Variants in PTPRO observed in about 807,000 individuals in gnomAD.
PTPRO encodes protein tyrosine phosphatase receptor type O.
In PTPRO, 62 loss-of-function variants were observed where a neutral mutation model predicts 145.2. The observed-to-expected ratio is 0.43, with a 90% CI of 0.35 to 0.53. The LOEUF (loss-of-function observed/expected upper bound fraction) is 0.53, where lower values mean the gene tolerates loss of function less well. PTPRO is among the 20% of genes least tolerant of loss of function. The pLI is 0.01. For missense variants in PTPRO, 1,345 were observed against 1,482.7 expected (o/e 0.91, Z 1.53); for synonymous variants, 565 against 514.7 (o/e 1.10, Z -1.32).
intron 12 of PTPRO, among the ~76,000 whole-genome samples, chr12:15,538,084 T>C (rs1177429910): frequency 6.6e-6 from 1 of 152,138 alleles, no homozygotes; most frequent in Non-Finnish European, 1.5e-5. Flanking sequence ...CTGATTTAGG[T>C]TCTCAGTGAC....
chr12:15,489,919 C>T lies in PTPRO; in HGVS notation c.349+5672C>T, dbSNP rs185361347. Reference sequence around the variant, plus strand: ...AAAGTGTTACAGAGTCAAATGGAATCGTATATGCAAATAATGGAGGCATAC... The same window carrying T: ...AAAGTGTTACAGAGTCAAATGGAATTGTATATGCAAATAATGGAGGCATAC... On this transcript the variant is annotated intron_variant, in intron 2 of 26. Coordinates refer to ENST00000281171, the MANE Select transcript of PTPRO (RefSeq NM_030667.3). Among the ~76,000 whole-genome samples, 75 of 152,160 alleles carry T rather than the reference C, an allele frequency of 4.9e-4. 1 individual carries two copies. Among genetic ancestry groups the T allele is most frequent in the African/African-American group, 1.7e-3 (71 of 41,504 alleles).
chr12:15,465,113 A>G (rs1427372624), intron 1 of PTPRO, among the ~76,000 whole-genome samples: 1 of 152,244 alleles, frequency 6.6e-6, no homozygotes, highest in Non-Finnish European at 1.5e-5. Context: ...ATCCTTCCAA[A>G]GAATGGAATC....
chr12:15,545,877 TG>T (rs1943275066), intron 12 of PTPRO, among the ~76,000 whole-genome samples: 2 of 151,774 alleles, frequency 1.3e-5, no homozygotes, highest in Non-Finnish European at 1.5e-5. Context: ...CTGCAAAAAA[TG>T]CAAAAATAAG....
intron 19 of PTPRO, among the ~76,000 whole-genome samples, chr12:15,573,204 G>T (rs1944099256): frequency 6.6e-6 from 1 of 152,144 alleles, no homozygotes. Context: ...CCAAGGAAAA[G>T]TTGAGTTTGC....
chr12:15,456,580 A>T (rs1941183626), intron 1 of PTPRO, among the ~76,000 whole-genome samples: 1 of 152,182 alleles, frequency 6.6e-6, no homozygotes, highest in Admixed American at 6.5e-5. Flanking sequence ...AATGTTTGGT[A>T]GGAGTCACCA....
chr12:15,450,868 A>T (rs998859135), intron 1 of PTPRO, among the ~76,000 whole-genome samples: 46 of 152,108 alleles, frequency 3.0e-4, no homozygotes, highest in African/African-American at 1.1e-3. Flanking sequence ...CTCAAAATAC[A>T]TCAAAACAGA....
At chr12:15,552,636 C>A (rs751354761) in intron 15 of PTPRO, among the ~76,000 whole-genome samples, 3 of 152,032 alleles carry the variant, frequency 2.0e-5, no homozygotes, top group Admixed American at 6.5e-5. Context: ...GGATTAAAAA[C>A]AGGATGCCAT....
Position 15,356,639 on chromosome 12 carries a change from A to C in PTPRO, c.75+33838A>C, listed in dbSNP as rs150302109. ...CTTTAATGGCTGAATAGTATAGCAGAATGTTCATTGGGCTTTCCATCAAAC... is the reference window on the plus strand; with the variant it reads ...CTTTAATGGCTGAATAGTATAGCAGCATGTTCATTGGGCTTTCCATCAAAC... On this transcript the variant is annotated intron_variant, in intron 1 of 26. Coordinates refer to ENST00000281171, the MANE Select transcript of PTPRO (RefSeq NM_030667.3). Among the ~76,000 whole-genome samples the C allele has an allele frequency of 5.9e-5, 9 of 152,294 alleles. No homozygotes were observed. In the East Asian group the frequency reaches 1.5e-3, roughly 26 times the overall value.
chr12:15,569,273 C>CA (rs537860370), intron 18 of PTPRO, 144 bp from the exon 19 acceptor site: 13,625 of 547,962 alleles, frequency 0.025, no homozygotes, highest in South Asian at 0.033. Flanking sequence ...TAACTTGAAC[C>CA]AAAAAAAAAA....
At chr12:15,446,626 T>C (rs7957136) in intron 1 of PTPRO, among the ~76,000 whole-genome samples, 2,244 of 151,952 alleles carry the variant, frequency 0.015, 60 homozygotes, top group African/African-American at 0.051. Context: ...ATGTTCCTAG[T>C]ATTAGGAAAA....
At chr12:15,485,262 T>C (rs1457297093) in intron 2 of PTPRO, among the ~76,000 whole-genome samples, 1 of 152,082 alleles carries the variant, frequency 6.6e-6, no homozygotes, top group Non-Finnish European at 1.5e-5. Flanking sequence ...TAGTGAGTCC[T>C]AAAAATTAGG....
At chr12:15,557,650 CT>C in intron 16 of PTPRO, 127 bp downstream of exon 16, 1 of 782,864 alleles carries the variant, frequency 1.3e-6, no homozygotes, top group Non-Finnish European at 2.2e-6. Flanking sequence ...TGATGGTAGA[CT>C]TTCAATGGCT....
intron 7 of PTPRO, among the ~76,000 whole-genome samples, chr12:15,512,826 T>C (rs1942470132): frequency 6.6e-6 from 1 of 151,936 alleles, no homozygotes; most frequent in African/African-American, 2.4e-5. Flanking sequence ...AAACCCTGTC[T>C]CTACTAGAAA....
intron 1 of PTPRO, among the ~76,000 whole-genome samples, chr12:15,462,525 G>A (rs979579277): frequency 1.3e-5 from 2 of 152,128 alleles, no homozygotes; most frequent in African/African-American, 2.4e-5. Context: ...GCTTCTTACT[G>A]TTATTGCTTA....
intron 12 of PTPRO, among the ~76,000 whole-genome samples, chr12:15,528,919 C>T (rs1016562113): frequency 2.6e-5 from 4 of 152,050 alleles, no homozygotes; most frequent in Admixed American, 6.5e-5. Flanking sequence ...CAAAATTGTC[C>T]TTCAAATATG....
At chr12:15,371,821 A>C (rs922847150) in intron 1 of PTPRO, among the ~76,000 whole-genome samples, 1 of 151,888 alleles carries the variant, frequency 6.6e-6, no homozygotes, top group African/African-American at 2.4e-5. Flanking sequence ...GTTCTCATGA[A>C]ATCTGATGGT....
chr12:15,469,025 A>G (rs936792024), intron 1 of PTPRO, among the ~76,000 whole-genome samples: 2 of 152,242 alleles, frequency 1.3e-5, no homozygotes, highest in African/African-American at 4.8e-5. Flanking sequence ...TATACTGCCT[A>G]AATATGCTGT....
intron 2 of PTPRO, among the ~76,000 whole-genome samples, chr12:15,488,747 A>T (rs1160817436): frequency 6.6e-6 from 1 of 152,206 alleles, no homozygotes; most frequent in Non-Finnish European, 1.5e-5. Flanking sequence ...ATGGCAAAGA[A>T]TAAATTTGGC....
intron 1 of PTPRO, among the ~76,000 whole-genome samples, chr12:15,455,833 T>C (rs1036860805): frequency 1.3e-5 from 2 of 152,176 alleles, no homozygotes; most frequent in Non-Finnish European, 2.9e-5. Flanking sequence ...CTTTTTCAGT[T>C]TGAATGCCTT....
Sources: gnomAD v4.1 joint callset for allele counts (sites outside exome capture counted in the v4.1 genomes callset) on GRCh38, gnomAD v4.1.1 for gene constraint, MANE v1.5 for transcripts, NCBI Gene and HGNC (gene_info 2026-07-23, HGNC 2026-07-21) for gene names.